The following LRPPRC variants were observed in gnomAD, a reference collection of about 807,000 sequenced individuals.
LRPPRC encodes leucine-rich PPR motif-containing protein, mitochondrial.
In LRPPRC, 120 loss-of-function variants were observed where a neutral mutation model predicts 180.3. That is an observed-to-expected ratio of 0.67 (90% confidence interval 0.57 to 0.77). The LOEUF is 0.77. Ranked by LOEUF, LRPPRC falls within the 30% of genes least tolerant of loss-of-function variation. The pLI, the probability that LRPPRC is intolerant of heterozygous loss-of-function variation, is 0.00. For missense variants in LRPPRC, 2,012 were observed against 1,657.2 expected, an observed-to-expected ratio of 1.21 and a Z score of -3.72; for synonymous variants, 723 against 600.0, an observed-to-expected ratio of 1.21 and a Z score of -3.00.
chr2:43,899,067 T>A (rs1670795053), intron 34 of LRPPRC, 152 bp downstream of exon 34: 2 of 680,902 alleles, frequency 2.9e-6, no homozygotes, highest in South Asian at 3.2e-5. Context: ...CCAGTCCTTG[T>A]CCTGCAACCG....
intron 27 of LRPPRC, among the ~76,000 whole-genome samples, chr2:43,922,466 A>G (rs1671731209): frequency 6.6e-6 from 1 of 152,218 alleles, no homozygotes; most frequent in African/African-American, 2.4e-5. Flanking sequence ...GGCTAAAATC[A>G]CATCCTAAGA....
chr2:43,973,164 C>A (rs933211062), intron 11 of LRPPRC, among the ~76,000 whole-genome samples: 2 of 152,136 alleles, frequency 1.3e-5, no homozygotes, highest in Non-Finnish European at 2.9e-5. Context: ...TCCTGCCTTT[C>A]CTATTATTCT....
intron 10 of LRPPRC, 36 bp from the exon 11 acceptor site, chr2:43,973,750 T>G: frequency 1.9e-6 from 3 of 1,600,790 alleles, no homozygotes; most frequent in Non-Finnish European, 2.6e-6. Context: ...CAAAGCTACC[T>G]CAGCAAAACT....
intron 9 of LRPPRC, 53 bp from the exon 10 acceptor site, chr2:43,973,953 G>T: frequency 1.7e-6 from 2 of 1,193,276 alleles, no homozygotes; most frequent in South Asian, 2.4e-5. Flanking sequence ...CCCACCGTTT[G>T]ACCTGCTGCA....
intron 13 of LRPPRC, 114 bp downstream of exon 13, chr2:43,960,427 C>CT: frequency 1.4e-6 from 1 of 734,944 alleles, no homozygotes; most frequent in East Asian, 2.5e-5. Context: ...ATCAGTCTGG[C>CT]TTTAACAAAA....
intron 11 of LRPPRC, among the ~76,000 whole-genome samples, chr2:43,969,665 T>C (rs1159634587): frequency 6.6e-6 from 1 of 152,122 alleles, no homozygotes; most frequent in Admixed American, 6.5e-5. Flanking sequence ...CTAAAACTAC[T>C]AAATAACTGG....
chr2:43,987,464 C>A (rs930733906), intron 1 of LRPPRC, among the ~76,000 whole-genome samples: 7 of 127,562 alleles, frequency 5.5e-5, no homozygotes, highest in Admixed American at 9.8e-5. Flanking sequence ...CACTGCACTC[C>A]AGGCCGGGCG....
At chr2:43,981,062 C>G (rs1559054188) in intron 2 of LRPPRC, among the ~76,000 whole-genome samples, 1 of 152,080 alleles carries the variant, frequency 6.6e-6, no homozygotes, top group Non-Finnish European at 1.5e-5. Context: ...CTTTAGGAAG[C>G]TACAGAATCC....
intron 6 of LRPPRC, 148 bp from the exon 7 acceptor site, chr2:43,975,365 GAT>G (rs1256840619): frequency 1.1e-5 from 7 of 617,938 alleles, no homozygotes; most frequent in Admixed American, 2.8e-5. Context: ...TATTAAACTG[GAT>G]ATATGTTTCT....
chr2:43,955,065 T>C (rs1673050825), intron 14 of LRPPRC, among the ~76,000 whole-genome samples: 1 of 152,188 alleles, frequency 6.6e-6, no homozygotes, highest in Non-Finnish European at 1.5e-5. Context: ...AGAGGGAAAG[T>C]ACTTCATGAA....
chr2:43,939,618 T>C (rs1426692954), intron 23 of LRPPRC, among the ~76,000 whole-genome samples: 1 of 152,176 alleles, frequency 6.6e-6, no homozygotes, highest in African/African-American at 2.4e-5. Context: ...TCACAAAAAT[T>C]ATTCTGTTAA....
chr2:43,976,845 G>C, intron 5 of LRPPRC, 149 bp downstream of exon 5: 6 of 647,702 alleles, frequency 9.3e-6, no homozygotes, highest in Non-Finnish European at 1.4e-5. Flanking sequence ...TATATTTTAT[G>C]TAAGTCAGAT....
chr2:43,984,442 T>G (rs1323641007), intron 1 of LRPPRC, among the ~76,000 whole-genome samples: 5 of 152,194 alleles, frequency 3.3e-5, no homozygotes, highest in African/African-American at 1.2e-4. Flanking sequence ...TTCTGAATAT[T>G]CTAGGCAAAT....
Position 43,995,920 on chromosome 2 carries a change from A to G in LRPPRC, c.28T>C (p.Trp10Arg). Residue 10 changes from tryptophan to arginine, a missense_variant, in exon 1 of 38, where the codon TGG becomes CGG. Trp to Arg is a moderately radical substitution (Grantham distance 101). Coordinates refer to ENST00000260665, the MANE Select transcript of LRPPRC (RefSeq NM_133259.4). Reference protein sequence around the residue: MAALLRSARWLLRAGAAPRL... With the variant: MAALLRSARRLLRAGAAPRL... ...GGGGCCGCCCCGGCACGCAGCAACC[A>G]ACGCGCGGATCTCAGCAGGGCTGCC... 6.6e-7 allele frequency: 1 copy of G among 1,518,992 alleles called. No homozygotes were observed. The highest frequency in any genetic ancestry group is 8.8e-7 in the Non-Finnish European group (1 of 1,140,666). 94.1% of individuals were successfully genotyped at this position (1,518,992 alleles called of 1,614,324 possible). A position where few individuals can be genotyped will look rare whatever the true frequency, so the allele number is the denominator to read the frequency against.
At chr2:43,969,939 G>C (rs372097591) in intron 11 of LRPPRC, among the ~76,000 whole-genome samples, 1 of 152,058 alleles carries the variant, frequency 6.6e-6, no homozygotes, top group Non-Finnish European at 1.5e-5. Flanking sequence ...GCCTCCCAAA[G>C]TGTTGGGATT....
chr2:43,951,869 T>C (rs1044896354), intron 14 of LRPPRC, among the ~76,000 whole-genome samples: 14 of 152,226 alleles, frequency 9.2e-5, no homozygotes, highest in African/African-American at 3.4e-4. Flanking sequence ...AACCATATAT[T>C]TTTATCAAAG....
In LRPPRC at chr2:43,973,546, C is replaced by T. The variant is rs867248465; in HGVS notation, c.1369+61G>A. The T allele has an allele frequency of 3.5e-5, 35 of 987,656 alleles. 1 individual carries two copies. In the Middle Eastern group the frequency reaches 3.3e-3, roughly 92 times the overall value. 61.2% of individuals were successfully genotyped at this position (987,656 alleles called of 1,614,324 possible). On this transcript the variant is annotated intron_variant, in intron 11 of 37. Coordinates refer to ENST00000260665, the MANE Select transcript of LRPPRC (RefSeq NM_133259.4). ...TTTCCAAAGAATCCAATTAGATGTG[C>T]GTGCAAACTGTCATACTGGCTCTGG...
At chr2:43,979,107 T>C (rs973468576) in intron 3 of LRPPRC, among the ~76,000 whole-genome samples, 5 of 152,118 alleles carry the variant, frequency 3.3e-5, no homozygotes, top group African/African-American at 9.6e-5. Flanking sequence ...TATTAAACCA[T>C]CTTTTTTCAA....
intron 37 of LRPPRC, among the ~76,000 whole-genome samples, chr2:43,888,930 G>A (rs1381444285): frequency 2.0e-5 from 3 of 152,196 alleles, no homozygotes; most frequent in Non-Finnish European, 4.4e-5. Flanking sequence ...GGAGGTATGG[G>A]TATGGAAGGC....
Sources: gnomAD v4.1 joint callset for allele counts (sites outside exome capture counted in the v4.1 genomes callset) on GRCh38, gnomAD v4.1.1 for gene constraint, MANE v1.5 for transcripts, NCBI Gene and HGNC (gene_info 2026-07-23, HGNC 2026-07-21) for gene names.